The following SKAP2 variants were observed in gnomAD, a reference collection of about 807,000 sequenced individuals.
SKAP2 encodes src kinase-associated phosphoprotein 2.
Under a neutral mutation model 54.9 loss-of-function variants are expected in SKAP2, and 28 were observed. The ratio of observed to expected loss-of-function variants is 0.51; its 90% confidence interval spans 0.38 to 0.70. The LOEUF (loss-of-function observed/expected upper bound fraction) is 0.70. SKAP2 is among the 30% of genes least tolerant of loss of function. The pLI, the probability that SKAP2 is intolerant of heterozygous loss-of-function variation, is 0.00. For missense variants in SKAP2, 356 were observed against 424.1 expected, an observed-to-expected ratio of 0.84 and a Z score of 1.41; for synonymous variants, 137 against 134.3, an observed-to-expected ratio of 1.02 and a Z score of -0.14.
intron 4 of SKAP2, among the ~76,000 whole-genome samples, chr7:26,791,461 C>T (rs2127981670): frequency 6.6e-6 from 1 of 152,172 alleles, no homozygotes; most frequent in South Asian, 2.1e-4. Flanking sequence ...TAGGTGTGAA[C>T]CACCACAACC....
chr7:26,708,266 C>T (rs758048786), intron 9 of SKAP2, among the ~76,000 whole-genome samples: 25 of 152,278 alleles, frequency 1.6e-4, no homozygotes, highest in Non-Finnish European at 3.5e-4. Context: ...ATTGATCCCA[C>T]GTGAATGTTT....
intron 3 of SKAP2, among the ~76,000 whole-genome samples, chr7:26,850,543 A>G (rs908177950): frequency 4.0e-5 from 6 of 151,602 alleles, no homozygotes; most frequent in African/African-American, 1.5e-4. Context: ...TCATGATCAC[A>G]CCACTCCACT....
At chr7:26,756,139 G>A (rs1782787010) in intron 4 of SKAP2, among the ~76,000 whole-genome samples, 1 of 152,016 alleles carries the variant, frequency 6.6e-6, no homozygotes, top group African/African-American at 2.4e-5. Context: ...AAACACAAGT[G>A]GTATACTAAT....
intron 9 of SKAP2, among the ~76,000 whole-genome samples, chr7:26,700,520 G>C (rs1019170748): frequency 2.0e-5 from 3 of 152,166 alleles, no homozygotes; most frequent in African/African-American, 7.2e-5. Context: ...TCTCTCACTA[G>C]AAATTGCCCT....
intron 10 of SKAP2, among the ~76,000 whole-genome samples, chr7:26,686,092 T>A (rs755942460): frequency 1.6e-4 from 24 of 152,178 alleles, no homozygotes; most frequent in African/African-American, 3.9e-4. Flanking sequence ...ACACATTTTT[T>A]GTGATTTATA....
rs1333113368 is a variant in SKAP2 at position 26,740,046 on chromosome 7, A to C, written c.308-82T>G. 2.9e-5 allele frequency: 24 copies of C among 827,756 alleles called. No homozygotes were observed. In the South Asian group the frequency reaches 3.6e-4, roughly 12 times the overall value. The allele number at this position is 827,756 out of a possible 1,614,324, so 51.3% of individuals were successfully genotyped here. ...ACAAGTGCCAGATCTCATTAGATTCAGTGTGCTTTTAATTACTGAAATTGT... is the reference window on the plus strand; with the variant it reads ...ACAAGTGCCAGATCTCATTAGATTCCGTGTGCTTTTAATTACTGAAATTGT... On this transcript the variant is annotated intron_variant, in intron 4 of 12. Transcript: ENST00000345317.
intron 4 of SKAP2, among the ~76,000 whole-genome samples, chr7:26,813,113 A>AT (rs994083588): frequency 2.0e-5 from 3 of 152,174 alleles, no homozygotes; most frequent in African/African-American, 4.8e-5. Flanking sequence ...ACTAACTTCA[A>AT]TTTTTTTAAA....
intron 4 of SKAP2, among the ~76,000 whole-genome samples, chr7:26,840,323 G>C (rs975949343): frequency 6.6e-6 from 1 of 152,066 alleles, no homozygotes; most frequent in African/African-American, 2.4e-5. Flanking sequence ...CTATCGTCGA[G>C]GGGCAGAGCC....
chr7:26,724,888 A>G (rs945958178), intron 9 of SKAP2, among the ~76,000 whole-genome samples: 4 of 152,160 alleles, frequency 2.6e-5, no homozygotes, highest in African/African-American at 9.7e-5. Flanking sequence ...TTTTTATTCC[A>G]TATTGATGCT....
At chr7:26,662,931 G>C (rs1786040555), downstream of SKAP2, among the ~76,000 whole-genome samples, 1 of 152,050 alleles carries the variant, frequency 6.6e-6, no homozygotes, top group Non-Finnish European at 1.5e-5. Context: ...GGAGGAGGAG[G>C]AAAGTGGCGC....
chr7:26,768,160 A>G (rs1458614193), intron 4 of SKAP2, among the ~76,000 whole-genome samples: 1 of 152,100 alleles, frequency 6.6e-6, no homozygotes, highest in African/African-American at 2.4e-5. Context: ...ATGCATATAT[A>G]TTTAGGATAG....
At chr7:26,740,696 T>C (rs1284868134) in intron 4 of SKAP2, among the ~76,000 whole-genome samples, 1 of 152,148 alleles carries the variant, frequency 6.6e-6, no homozygotes, top group African/African-American at 2.4e-5. Flanking sequence ...AGAAATATAA[T>C]AGTTATCTGC....
intron 4 of SKAP2, among the ~76,000 whole-genome samples, chr7:26,787,734 ATC>A (rs1246356657): frequency 6.6e-6 from 1 of 152,060 alleles, no homozygotes; most frequent in Non-Finnish European, 1.5e-5. Context: ...AAACAACTAG[ATC>A]TCACAAGTAC....
At chr7:26,723,058 A>G (rs1016333929) in intron 9 of SKAP2, among the ~76,000 whole-genome samples, 5 of 152,246 alleles carry the variant, frequency 3.3e-5, no homozygotes, top group African/African-American at 1.2e-4. Context: ...AAATGTGCTT[A>G]CTGCTCTTCC....
Position 26,854,793 on chromosome 7 carries a change from T to C in SKAP2, c.165A>G (p.Val55=). The C allele has an allele frequency of 6.3e-7, 1 of 1,598,040 alleles. No homozygotes were observed. The highest frequency in any genetic ancestry group is 1.7e-5 in the Admixed American group (1 of 59,410). Reference sequence around the variant, plus strand: ...AAAGGTAAGTGACTTACATAGACTTTACATCTTTTATCTTCTTAATAAGGG... The same window carrying C: ...AAAGGTAAGTGACTTACATAGACTTCACATCTTTTATCTTCTTAATAAGGG... ...RESLIKKIKD[V]KSIYLQEFQD... is the part of the protein sequence containing the mutation. The change falls in exon 2 of 13, where the codon GTA becomes GTG. Residue 55 remains valine, a synonymous_variant. Coordinates refer to ENST00000345317, the MANE Select transcript of SKAP2 (RefSeq NM_003930.5).
At chr7:26,843,650 A>G (rs1378610081) in intron 4 of SKAP2, among the ~76,000 whole-genome samples, 1 of 151,982 alleles carries the variant, frequency 6.6e-6, no homozygotes, top group Non-Finnish European at 1.5e-5. Context: ...TAAAGTTTTC[A>G]GAAAAAAATA....
chr7:26,715,901 T>A (rs569227866), intron 9 of SKAP2, among the ~76,000 whole-genome samples: 26 of 152,366 alleles, frequency 1.7e-4, no homozygotes, highest in African/African-American at 6.0e-4. Flanking sequence ...TTTCCTCTTT[T>A]AACTCATGAA....
At chr7:26,841,781 C>T (rs966948960) in intron 4 of SKAP2, among the ~76,000 whole-genome samples, 2 of 151,972 alleles carry the variant, frequency 1.3e-5, no homozygotes, top group Admixed American at 1.3e-4. Context: ...ATGAAAAATA[C>T]ATATCATGTT....
rs189500960 is a variant in SKAP2 at position 26,817,569 on chromosome 7, T to C, written c.307+26461A>G. ...GTTGATACAATTGCAGACAACAACA[T>C]TAAGACTTTAAATTTATTTAATTAT... On this transcript the variant is annotated intron_variant, in intron 4 of 12. Transcript: ENST00000345317. Among the ~76,000 whole-genome samples, 20 of 152,270 alleles carry C rather than the reference T, an allele frequency of 1.3e-4. No homozygotes were observed. The East Asian group carries it at 3.7e-3, about 28-fold the overall frequency.
Sources: allele counts gnomAD v4.1 joint callset (sites outside exome capture counted in the v4.1 genomes callset), GRCh38; gene constraint gnomAD v4.1.1; transcripts MANE v1.5; gene names NCBI Gene and HGNC (gene_info 2026-07-23, HGNC 2026-07-21).